The following PRKN variants were observed in gnomAD, a reference collection of about 807,000 sequenced individuals.
PRKN encodes the protein E3 ubiquitin-protein ligase parkin.
A neutral mutation model predicts 59.5 loss-of-function variants in PRKN; 56 were observed. The ratio of observed to expected loss-of-function variants is 0.94; its 90% CI spans 0.76 to 1.18. The LOEUF (loss-of-function observed/expected upper bound fraction) is 1.18, where lower values mean the gene tolerates loss of function less well. Among genes scored for constraint, PRKN ranks in the 50% most tolerant of loss-of-function variants. The probability of loss-of-function intolerance (pLI) is 0.00; values close to 1 mark genes in which losing one functional copy is unlikely to be tolerated. For synonymous variants in PRKN, 250 were observed against 222.1 expected (o/e 1.13, Z -1.12); for missense variants, 657 against 596.4 (o/e 1.10, Z -1.06).
chr6:162,054,616 C>G (rs147228829), intron 4 of PRKN, among the ~76,000 whole-genome samples: 1 of 152,320 alleles, frequency 6.6e-6, no homozygotes, highest in African/African-American at 2.4e-5. Context: ...CACAGCTACA[C>G]AAAAGCCAAC....
intron 2 of PRKN, among the ~76,000 whole-genome samples, chr6:162,388,867 G>C (rs1206230651): frequency 6.6e-5 from 10 of 152,090 alleles, no homozygotes; most frequent in Admixed American, 6.5e-4. Flanking sequence ...ATGGGGGTCT[G>C]ATGCCCTGGC....
chr6:161,564,794 G>A (rs954975029), intron 8 of PRKN, among the ~76,000 whole-genome samples: 34 of 152,064 alleles, frequency 2.2e-4, no homozygotes, highest in Non-Finnish European at 4.1e-4. Context: ...GCGTGCACAG[G>A]GGTGGTACTC....
chr6:161,800,308 C>T (rs1397433534), intron 6 of PRKN, among the ~76,000 whole-genome samples: 1 of 152,126 alleles, frequency 6.6e-6, no homozygotes, highest in Non-Finnish European at 1.5e-5. Context: ...TTTCCTACTA[C>T]CATTTGCAGA....
At chr6:162,641,865 CA>C (rs998296511) in intron 1 of PRKN, among the ~76,000 whole-genome samples, 1 of 151,754 alleles carries the variant, frequency 6.6e-6, no homozygotes, top group African/African-American at 2.4e-5. Flanking sequence ...CAGAATTTAC[CA>C]AAAAATTAAC....
intron 5 of PRKN, among the ~76,000 whole-genome samples, chr6:162,000,853 G>T (rs66733825): frequency 0.035 from 379 of 10,882 alleles, 1 homozygote; most frequent in African/African-American, 0.13. Flanking sequence ...AGATTTTTTT[G>T]TTTTTGCATG....
chr6:161,474,626 G>A (rs576150754), intron 9 of PRKN, among the ~76,000 whole-genome samples: 63 of 150,878 alleles, frequency 4.2e-4, no homozygotes, highest in South Asian at 1.3e-3. Context: ...ATGGAGTCTC[G>A]CTCTGTTGCC....
At chr6:162,201,051 T>C (rs1784708018) in intron 4 of PRKN, 80 bp downstream of exon 4, 23 of 1,433,034 alleles carry the variant, frequency 1.6e-5, no homozygotes, top group Non-Finnish European at 2.2e-5. Flanking sequence ...GGGTGATACA[T>C]CATTAGAAAA....
At chr6:162,512,613 A>G (rs1246296876) in intron 1 of PRKN, among the ~76,000 whole-genome samples, 1 of 152,194 alleles carries the variant, frequency 6.6e-6, no homozygotes, top group African/African-American at 2.4e-5. Context: ...CATAAGTGGC[A>G]ACAATGTTAT....
intron 2 of PRKN, among the ~76,000 whole-genome samples, chr6:162,414,105 C>T (rs752261207): frequency 2.6e-4 from 40 of 152,124 alleles, no homozygotes; most frequent in Non-Finnish European, 5.4e-4. Context: ...ATTGCCCGAA[C>T]CTGGGAGGTG....
chr6:162,032,263 T>A (rs185927589), intron 5 of PRKN, among the ~76,000 whole-genome samples: 25 of 152,174 alleles, frequency 1.6e-4, no homozygotes, highest in Non-Finnish European at 3.4e-4. Flanking sequence ...GAGAATTTTA[T>A]TTTTAACAAT....
chr6:161,819,650 C>T (rs1018964589), intron 6 of PRKN, among the ~76,000 whole-genome samples: 7 of 152,104 alleles, frequency 4.6e-5, no homozygotes, highest in Admixed American at 6.5e-5. Context: ...CTTCTAATAA[C>T]AGAAATTCCA....
chr6:161,975,844 C>A (rs949205800), intron 5 of PRKN, among the ~76,000 whole-genome samples: 1 of 152,134 alleles, frequency 6.6e-6, no homozygotes, highest in Non-Finnish European at 1.5e-5. Flanking sequence ...GGTCGCTTAC[C>A]GTGTCTGAAA....
At chr6:161,799,796 G>A (rs989043607) in intron 6 of PRKN, among the ~76,000 whole-genome samples, 1 of 152,234 alleles carries the variant, frequency 6.6e-6, no homozygotes, top group Non-Finnish European at 1.5e-5. Context: ...GAAGGCCTGG[G>A]GATGGGACAT....
chr6:161,350,202 A>C lies in PRKN; in HGVS notation c.1295T>G (p.Met432Arg), dbSNP rs761791697. The C allele has an allele frequency of 5.0e-6, 8 of 1,612,702 alleles. No homozygotes were observed. Among genetic ancestry groups the C allele is most frequent in the Non-Finnish European group, 5.1e-6 (6 of 1,179,160 alleles). The change falls in exon 12 of 12, where the codon ATG (methionine) becomes AGG (arginine). Residue 432 changes from methionine to arginine, a missense_variant. Met to Arg is a moderately conservative substitution (Grantham distance 91). Coordinates refer to ENST00000366898, the MANE Select transcript of PRKN (RefSeq NM_004562.3). ...CTGGGGCTGCGGACACTTCATGTGC[A>C]TGCAGCCTCCTGTTGGGGGCAGAAA... ...HVPVEKNGGC[M>R]HMKCPQPQCR... is the part of the protein sequence containing the mutation.
At chr6:162,013,347 G>A (rs141991150) in intron 5 of PRKN, among the ~76,000 whole-genome samples, 1 of 152,126 alleles carries the variant, frequency 6.6e-6, no homozygotes, top group African/African-American at 2.4e-5. Context: ...ACTGTTACAT[G>A]CATCCTTCTT....
intron 2 of PRKN, among the ~76,000 whole-genome samples, chr6:162,267,876 T>C (rs1366990225): frequency 6.6e-6 from 1 of 152,136 alleles, no homozygotes; most frequent in Non-Finnish European, 1.5e-5. Context: ...AAAAAACTGA[T>C]GTATTTTTCT....
At chr6:162,326,649 A>G (rs1418584175) in intron 2 of PRKN, among the ~76,000 whole-genome samples, 1 of 152,056 alleles carries the variant, frequency 6.6e-6, no homozygotes, top group Non-Finnish European at 1.5e-5. Context: ...AATCAATGAT[A>G]CTCCCCTGAA....
chr6:162,251,939 CTAGA>C (rs1404681024), intron 3 of PRKN, among the ~76,000 whole-genome samples: 6 of 152,172 alleles, frequency 3.9e-5, no homozygotes, highest in South Asian at 2.1e-4. Flanking sequence ...GAACATCCTT[CTAGA>C]TAATCTACTG....
At chr6:162,642,079 T>C (rs566683266) in intron 1 of PRKN, among the ~76,000 whole-genome samples, 23 of 152,230 alleles carry the variant, frequency 1.5e-4, no homozygotes, top group Non-Finnish European at 3.2e-4. Context: ...GTTGTGTTCC[T>C]TGTCATAATT....
Sources: gnomAD v4.1 joint callset for allele counts (sites outside exome capture counted in the v4.1 genomes callset) on GRCh38, gnomAD v4.1.1 for gene constraint, MANE v1.5 for transcripts, NCBI Gene and HGNC (gene_info 2026-07-23, HGNC 2026-07-21) for gene names.